The following CDH17 variants were observed in gnomAD, a reference collection of about 807,000 sequenced individuals.
CDH17 encodes the protein cadherin 17.
In CDH17, 67 loss-of-function variants were observed where a neutral mutation model predicts 86.3. That is an observed-to-expected ratio of 0.78 (90% confidence interval 0.64 to 0.95). CDH17 has a LOEUF of 0.95. Among genes scored for constraint, CDH17 ranks in the 40% least tolerant of loss-of-function variants. The pLI, the probability that CDH17 is intolerant of heterozygous loss-of-function variation, is 0.00. For missense variants in CDH17, 993 were observed against 1,017.6 expected (o/e 0.98, Z 0.33); for synonymous variants, 367 against 366.4 (o/e 1.00, Z -0.02).
chr8:94,128,961 A>G (rs1006810402), intron 17 of CDH17, among the ~76,000 whole-genome samples: 6 of 152,194 alleles, frequency 3.9e-5, no homozygotes, highest in African/African-American at 1.2e-4. Flanking sequence ...GTGTACTGTC[A>G]GAGTCCACTA....
intron 3 of CDH17, among the ~76,000 whole-genome samples, chr8:94,185,308 C>A (rs1813558983): frequency 1.4e-5 from 2 of 144,928 alleles, no homozygotes; most frequent in South Asian, 2.1e-4. Context: ...CACACACACA[C>A]ACACACCCCT....
chr8:94,127,290 A>G lies in CDH17; in HGVS notation c.*950T>C, dbSNP rs1812320746. The stretch of plus-strand genomic sequence containing the variant: ...TTACTAACATACGAATGAAGAAAAC[A>G]TGCGCAGCATGTATGCATGGCAGGT... On this transcript the variant is annotated 3_prime_UTR_variant, in exon 18 of 18. Transcript: ENST00000027335. 6.6e-6 allele frequency: 1 copy of G among 152,274 alleles called. No homozygotes were observed. 9.4% of individuals were successfully genotyped at this position (152,274 alleles called of 1,614,324 possible). A position where few individuals can be genotyped will look rare whatever the true frequency, so the allele number is the denominator to read the frequency against.
At position 94,189,303 on chromosome 8, in the gene CDH17, G is replaced by C. The variant is rs1178172999; in HGVS notation, c.52-18C>G. 6.4e-7 allele frequency: 1 copy of C among 1,558,452 alleles called. No homozygotes were observed. Among genetic ancestry groups the C allele is most frequent in the Non-Finnish European group, 8.8e-7 (1 of 1,139,386 alleles). On this transcript the variant is annotated intron_variant, in intron 2 of 17. Coordinates refer to ENST00000027335, the MANE Select transcript of CDH17 (RefSeq NM_004063.4). Reference sequence around the variant, plus strand: ...CCAGTTGCCTGTTAAAAAAGAAAGAGAAAATTAGCATCTTGTATGAAGTGT... The same window carrying C: ...CCAGTTGCCTGTTAAAAAAGAAAGACAAAATTAGCATCTTGTATGAAGTGT...
At chr8:94,161,650 C>G (rs1813053895) in intron 11 of CDH17, among the ~76,000 whole-genome samples, 1 of 148,888 alleles carries the variant, frequency 6.7e-6, no homozygotes, top group Admixed American at 6.6e-5. Context: ...TTTCTTCTCC[C>G]TTTCTCTTAC....
At chr8:94,202,904 A>T (rs1813947680) in intron 1 of CDH17, 1 of 281,814 alleles carries the variant, frequency 3.5e-6, no homozygotes, top group Non-Finnish European at 6.9e-6. Context: ...ATATCTGCCA[A>T]TTCCTCCAAT....
intron 10 of CDH17, among the ~76,000 whole-genome samples, chr8:94,162,420 C>G (rs2130621592): frequency 6.6e-6 from 1 of 152,298 alleles, no homozygotes; most frequent in African/African-American, 2.4e-5. Flanking sequence ...TGCTGTCCTC[C>G]TAAGTAAAGT....
rs569293198 is a variant in CDH17 at position 94,160,022 on chromosome 8, C to T, written c.1500G>A (p.Leu500=). 6.2e-7 allele frequency: 1 copy of T among 1,613,784 alleles called. No homozygotes were observed. Among genetic ancestry groups the T allele is most frequent in the African/African-American group, 1.3e-5 (1 of 75,038 alleles). ...HIIKGDSEGR[L]GVDTDPHTNT... is the part of the protein sequence containing the mutation. ...TGGTATGGGGATCTGTGTCAACCCCCAGGCGTCCCTCACTGTCTCCCTTTA... is the reference window on the plus strand; with the variant it reads ...TGGTATGGGGATCTGTGTCAACCCCTAGGCGTCCCTCACTGTCTCCCTTTA... The change falls in exon 12 of 18, where the codon CTG becomes CTA. Residue 500 remains leucine, a synonymous_variant. Transcript: ENST00000027335.
intron 3 of CDH17, among the ~76,000 whole-genome samples, chr8:94,178,968 T>A (rs1426834051): frequency 6.6e-6 from 1 of 151,354 alleles, no homozygotes. Context: ...ATGAGAACAC[T>A]GGCAAAAATT....
chr8:94,157,855 G>A (rs1812975254), intron 12 of CDH17, among the ~76,000 whole-genome samples: 1 of 152,214 alleles, frequency 6.6e-6, no homozygotes, highest in African/African-American at 2.4e-5. Context: ...GGTTGAGGCT[G>A]CAATGAGCTA....
chr8:94,180,775 G>A (rs919648268), intron 3 of CDH17, among the ~76,000 whole-genome samples: 12 of 151,966 alleles, frequency 7.9e-5, no homozygotes, highest in Non-Finnish European at 1.5e-4. Flanking sequence ...GGCATCTGTA[G>A]TCCCAGCTAC....
chr8:94,132,548 T>G (rs915071129), intron 15 of CDH17, among the ~76,000 whole-genome samples: 4 of 152,200 alleles, frequency 2.6e-5, no homozygotes, highest in African/African-American at 9.6e-5. Flanking sequence ...TTGAGTTCTT[T>G]GTAGATTCTG....
chr8:94,155,259 G>C (rs1812925488), intron 12 of CDH17, among the ~76,000 whole-genome samples: 1 of 151,956 alleles, frequency 6.6e-6, no homozygotes, highest in East Asian at 1.9e-4. Context: ...TCCCCCTGAA[G>C]TAGAGGTGGG....
Position 94,152,039 on chromosome 8 carries a change from C to G in CDH17, c.1625G>C (p.Gly542Ala), listed in dbSNP as rs754561906. 6.2e-7 allele frequency: 1 copy of G among 1,614,158 alleles called. No homozygotes were observed. The highest frequency in any genetic ancestry group is 1.3e-5 in the African/African-American group (1 of 75,044). Residue 542 changes from glycine to alanine, a missense_variant, in exon 13 of 18, where the codon GGT becomes GCT. Coordinates refer to ENST00000027335, the MANE Select transcript of CDH17 (RefSeq NM_004063.4). ...KAENPEPLVF[G>A]VKYNASSFAK... ...AAAAGAACTTGCATTGTACTTCACA[C>G]CAAACACTAGAGGCTCAGGATTTTC...
chr8:94,148,714 T>A (rs780204447), intron 14 of CDH17, 30 bp downstream of exon 14: 20 of 1,407,890 alleles, frequency 1.4e-5, no homozygotes, highest in Middle Eastern at 1.8e-4. Flanking sequence ...TGTGTTCCTT[T>A]TTTTTTGTTT....
chr8:94,173,149 G>A (rs1283765080), intron 7 of CDH17, among the ~76,000 whole-genome samples: 1 of 152,164 alleles, frequency 6.6e-6, no homozygotes, highest in Non-Finnish European at 1.5e-5. Context: ...TTTAAGGTGA[G>A]GGTGAGTGAA....
At position 94,186,836 on chromosome 8, in the gene CDH17, C is replaced by T. The variant is rs960922749; in HGVS notation, c.150+2351G>A. ...GTTGAAACCCTCCAGCAGCACCCTG[C>T]AGCCTGCTATAGGACGAAGGGCTAG... On this transcript the variant is annotated intron_variant, in intron 3 of 17. Coordinates refer to ENST00000027335, the MANE Select transcript of CDH17 (RefSeq NM_004063.4). Among the ~76,000 whole-genome samples, 9 of 152,258 alleles carry T rather than the reference C, an allele frequency of 5.9e-5. 1 individual carries two copies.
chr8:94,169,532 G>T (rs1813227757), intron 9 of CDH17, among the ~76,000 whole-genome samples: 1 of 152,154 alleles, frequency 6.6e-6, no homozygotes, highest in Admixed American at 6.6e-5. Flanking sequence ...AAGAAAATGT[G>T]AGCCCATCCA....
intron 11 of CDH17, among the ~76,000 whole-genome samples, chr8:94,160,879 A>G (rs1435472168): frequency 1.3e-5 from 2 of 152,238 alleles, no homozygotes; most frequent in African/African-American, 4.8e-5. Flanking sequence ...ACCAAGGGTC[A>G]CACAGCTAGT....
upstream of CDH17, among the ~76,000 whole-genome samples, chr8:94,210,582 C>T (rs977872409): frequency 6.6e-6 from 1 of 152,158 alleles, no homozygotes; most frequent in Non-Finnish European, 1.5e-5. Context: ...CAGGTAGCCA[C>T]CACTGCATTT....
Sources: gnomAD v4.1 joint callset for allele counts (sites outside exome capture counted in the v4.1 genomes callset) on GRCh38, gnomAD v4.1.1 for gene constraint, MANE v1.5 for transcripts, NCBI Gene and HGNC (gene_info 2026-07-23, HGNC 2026-07-21) for gene names.